The following SYCP2 variants were observed in gnomAD, a reference collection of about 807,000 sequenced individuals.
The protein encoded by SYCP2 is synaptonemal complex lateral element protein.
In SYCP2, 55 loss-of-function variants were observed where a neutral mutation model predicts 211.3. The ratio of observed to expected loss-of-function variants is 0.26; its 90% CI spans 0.21 to 0.33. SYCP2 has a LOEUF of 0.33. Among genes scored for constraint, SYCP2 ranks in the 10% least tolerant of loss-of-function variants. SYCP2 has a pLI of 1.00. For synonymous variants in SYCP2, 570 were observed against 555.2 expected, an observed-to-expected ratio of 1.03 and a Z score of -0.37; for missense variants, 1,731 against 1,752.0, an observed-to-expected ratio of 0.99 and a Z score of 0.21.
Position 59,881,500 on chromosome 20 carries a change from G to A in SYCP2, c.2659-8C>T. ...AGCTTGAAACTCTTGGATCTATATT[G>A]TAAATAAACAAAAAAAAAGAGGTGT... On this transcript the variant is annotated splice_polypyrimidine_tract_variant and splice_region_variant and intron_variant, in intron 28 of 44. Coordinates refer to ENST00000357552, the MANE Select transcript of SYCP2 (RefSeq NM_014258.4). 1 of 1,419,832 alleles carries A rather than the reference G, an allele frequency of 7.0e-7. No homozygotes were observed. The highest frequency in any genetic ancestry group is 9.4e-7 in the Non-Finnish European group (1 of 1,058,522). 88.0% of individuals were successfully genotyped at this position (1,419,832 alleles called of 1,614,324 possible). A position where few individuals can be genotyped will look rare whatever the true frequency, so the allele number is the denominator to read the frequency against.
At chr20:59,865,292 A>G in intron 44 of SYCP2, 96 bp downstream of exon 44, 2 of 976,824 alleles carry the variant, frequency 2.0e-6, no homozygotes, top group South Asian at 1.5e-5. Context: ...TCTCAACCCA[A>G]AAGAAAAAGA....
intron 41 of SYCP2, among the ~76,000 whole-genome samples, 154 bp from the exon 42 acceptor site, chr20:59,866,019 T>TA (rs1384635375): frequency 6.6e-6 from 1 of 151,678 alleles, no homozygotes; most frequent in African/African-American, 2.4e-5. Context: ...GGCTATATGT[T>TA]AAAAATATTC....
chr20:59,916,537 G>T lies in SYCP2; in HGVS notation c.462C>A (p.Arg154=). 1 of 1,610,694 alleles carries T rather than the reference G, an allele frequency of 6.2e-7. No homozygotes were observed. The highest frequency in any genetic ancestry group is 8.5e-7 in the Non-Finnish European group (1 of 1,177,066). The change falls in exon 8 of 45, where the codon CGC becomes CGA. Residue 154 remains arginine (R), a synonymous_variant. Coordinates refer to ENST00000357552, the MANE Select transcript of SYCP2 (RefSeq NM_014258.4). The part of the protein sequence containing the change: ...KKQVVESFVP[R]ICSLVIDSRV... The stretch of plus-strand genomic sequence containing the variant: ...TTGAGTCAATAACCAGGGAACAAAT[G>T]CGAGGTACGAAACTTTCCACTACTT...
Position 59,877,558 on chromosome 20 carries a change from T to G in SYCP2, c.2980-3A>C, listed in dbSNP as rs375221955. The G allele has an allele frequency of 6.3e-7, 1 of 1,580,998 alleles. No individual in the cohort carries two copies. Among genetic ancestry groups the G allele is most frequent in the Non-Finnish European group, 8.5e-7 (1 of 1,172,012 alleles). On this transcript the variant is annotated splice_region_variant and splice_polypyrimidine_tract_variant and intron_variant, in intron 32 of 44. Transcript: ENST00000357552. ...TTTGTGATATTTTTACTGGGTGTCT[T>G]TAGGAGAAAAATTCCTGAATATTAG...
At chr20:59,925,329 C>T (rs1169756355) in intron 2 of SYCP2, among the ~76,000 whole-genome samples, 1 of 151,996 alleles carries the variant, frequency 6.6e-6, no homozygotes, top group Non-Finnish European at 1.5e-5. Context: ...ATGCAACAAA[C>T]CTGCACATCT....
At chr20:59,895,684 C>G in intron 19 of SYCP2, 87 bp from the exon 20 acceptor site, 1 of 1,452,986 alleles carries the variant, frequency 6.9e-7, no homozygotes, top group Non-Finnish European at 9.5e-7. Flanking sequence ...AGGTAAGAAA[C>G]GAACATTCTT....
rs114629650 is a variant in SYCP2 at position 59,923,543 on chromosome 20, T to A, written c.-46-1084A>T. ...ACAAAACTCCATGTCTACAAAAAAATTTTTTTTTAATTAGCTGGGTATAGT... is the reference window on the plus strand; with the variant it reads ...ACAAAACTCCATGTCTACAAAAAAAATTTTTTTTAATTAGCTGGGTATAGT... On this transcript the variant is annotated intron_variant, in intron 2 of 44. Transcript: ENST00000357552. Among the ~76,000 whole-genome samples, 192 of 150,530 alleles carry A rather than the reference T, an allele frequency of 1.3e-3. 1 individual carries two copies. The highest frequency in any genetic ancestry group is 3.4e-3 in the African/African-American group (142 of 41,244).
chr20:59,901,790 G>A lies in SYCP2; in HGVS notation c.1054C>T (p.Leu352=). Residue 352 remains leucine, a synonymous_variant, in exon 16 of 45, where the codon CTG becomes TTG. Coordinates refer to ENST00000357552, the MANE Select transcript of SYCP2 (RefSeq NM_014258.4). ...ACTGTATTTTTCAGAATTATTGTCA[G>A]TAGCTTCTTTGATTCTCTCACTGTA... The part of the protein sequence containing the change: ...SIEVRESKKL[L]TIILKNTVKI... The A allele has an allele frequency of 6.3e-7, 1 of 1,596,380 alleles. No homozygotes were observed. The highest frequency in any genetic ancestry group is 8.5e-7 in the Non-Finnish European group (1 of 1,172,522).
intron 5 of SYCP2, among the ~76,000 whole-genome samples, 159 bp from the exon 6 acceptor site, chr20:59,919,756 GTTTTTT>G (rs573768688): frequency 6.7e-6 from 1 of 150,128 alleles, no homozygotes; most frequent in Non-Finnish European, 1.5e-5. Flanking sequence ...GATCTTCCTT[GTTTTTT>G]TTTAACTATC....
intron 2 of SYCP2, among the ~76,000 whole-genome samples, chr20:59,930,325 T>C (rs535169502): frequency 8.5e-5 from 13 of 152,110 alleles, no homozygotes; most frequent in African/African-American, 3.1e-4. Context: ...ACAGAGAAGG[T>C]TTCAGATTGT....
Position 59,912,401 on chromosome 20 carries a change from C to A in SYCP2, c.848G>T (p.Cys283Phe). The change falls in exon 13 of 45, where the codon TGT (cysteine) becomes TTT (phenylalanine). Residue 283 changes from cysteine to phenylalanine, a missense_variant. By Grantham distance (205) the Cys-to-Phe change is radical (BLOSUM62 -2). Transcript: ENST00000357552. ...GDKRRVFTFP[C>F]LSAFLDKYEL... ...ATATTTATCAAGAAATGCTGATAAA[C>A]AAGGAAATGTAAAGACCCTGAAATA... 9.3e-7 allele frequency: 1 copy of A among 1,079,500 alleles called. No homozygotes were observed. The highest frequency in any genetic ancestry group is 1.3e-6 in the Non-Finnish European group (1 of 750,020). 66.9% of individuals were successfully genotyped at this position (1,079,500 alleles called of 1,614,324 possible).
In SYCP2 at chr20:59,920,385, T is replaced by C; in HGVS notation, c.271A>G (p.Met91Val). The change falls in exon 5 of 45, where the codon ATG becomes GTG. Residue 91 changes from methionine (M) to valine (V), a missense_variant. Met to Val is a conservative substitution (Grantham distance 21). Transcript: ENST00000357552. ...TTTTGTATTAGTCCTTGTTTTATCA[T>C]CGTTAGAAGTCCAGCTTGCCCCAAT... is the stretch of plus-strand genomic sequence containing the variant. ...SVLGQAGLLT[M>V]IKQGLIQKMV... 1.9e-6 allele frequency: 3 copies of C among 1,609,044 alleles called. No homozygotes were observed. Among genetic ancestry groups the C allele is most frequent in the Non-Finnish European group, 2.5e-6 (3 of 1,176,762 alleles).
At chr20:59,933,332 G>A (rs1488541288) in intron 1 of SYCP2, 1 of 151,800 alleles carries the variant, frequency 6.6e-6, no homozygotes, top group African/African-American at 2.4e-5. Flanking sequence ...CCTCGCGCCT[G>A]CGCGAGCCAC....
rs766408866 is a variant in SYCP2 at position 59,900,266 on chromosome 20, G to T, written c.1276C>A (p.Gln426Lys). The change falls in exon 18 of 45, where the codon CAA (glutamine) becomes AAA (lysine). Residue 426 changes from glutamine to lysine, a missense_variant. Physicochemically the swap from Gln to Lys is moderately conservative, Grantham distance 53 (BLOSUM62 1). Transcript: ENST00000357552. ...SGSQILVPES[Q>K]ISPVGEELVS... ...AGCTCTTCTCCGACTGGTGAGATTT[G>T]ACTTTCTGGCACTAGAATCTGTTGG... 1 of 1,603,948 alleles carries T rather than the reference G, an allele frequency of 6.2e-7. No homozygotes were observed. The highest frequency in any genetic ancestry group is 1.1e-5 in the South Asian group (1 of 88,868).
At chr20:59,926,518 T>C (rs533540222) in intron 2 of SYCP2, among the ~76,000 whole-genome samples, 1 of 152,090 alleles carries the variant, frequency 6.6e-6, no homozygotes. Flanking sequence ...TTTTTATAAA[T>C]ATATATTGGG....
In SYCP2 at chr20:59,899,387, A is replaced by C. The variant is rs143167572; in HGVS notation, c.1404+751T>G. ...AGGTCTTGGAGAGACATACAAATGG[A>C]AATACAGAAAAACAAGTAGAGATGC... is the stretch of plus-strand genomic sequence containing the variant. On this transcript the variant is annotated intron_variant, in intron 18 of 44. Coordinates refer to ENST00000357552, the MANE Select transcript of SYCP2 (RefSeq NM_014258.4). 3.0e-3 allele frequency among the ~76,000 whole-genome samples: 463 copies of C among 152,332 alleles called. 2 individuals are homozygous for C. The highest frequency in any genetic ancestry group is 3.9e-3 in the Non-Finnish European group (268 of 68,028).
rs781376887 is a variant in SYCP2, at chr20:59,873,936, T to C, written c.3475A>G (p.Ile1159Val). Residue 1159 changes from isoleucine (I) to valine (V), a missense_variant, in exon 35 of 45, where the codon ATA (isoleucine) becomes GTA (valine). By Grantham distance (29) the Ile-to-Val change is conservative. Coordinates refer to ENST00000357552, the MANE Select transcript of SYCP2 (RefSeq NM_014258.4). Reference sequence around the variant, plus strand: ...TTCTCATTGTTTTTGGGTGACTTTATTGTACCTCCAACTCCACTGTTACTA... The same window carrying C: ...TTCTCATTGTTTTTGGGTGACTTTACTGTACCTCCAACTCCACTGTTACTA... Reference protein sequence around the residue: ...LNSNSGVGGTIKSPKNNEKNF... With the variant: ...LNSNSGVGGTVKSPKNNEKNF... The C allele has an allele frequency of 2.5e-5, 40 of 1,613,278 alleles. No individual in the cohort carries two copies. The highest frequency in any genetic ancestry group is 3.4e-5 in the Non-Finnish European group (40 of 1,179,638).
At chr20:59,866,651 C>T in intron 39 of SYCP2, 62 bp from the exon 40 acceptor site, 1 of 1,051,344 alleles carries the variant, frequency 9.5e-7, no homozygotes. Flanking sequence ...ACCAAGACTA[C>T]AGTAACAGCA....
intron 11 of SYCP2, 29 bp downstream of exon 11, chr20:59,914,080 C>G (rs747474510): frequency 2.5e-6 from 4 of 1,574,830 alleles, no homozygotes; most frequent in Non-Finnish European, 2.6e-6. Flanking sequence ...TAAAAATTCA[C>G]GAATTTCTGT....
Sources: gnomAD v4.1 joint callset for allele counts (sites outside exome capture counted in the v4.1 genomes callset) on GRCh38, gnomAD v4.1.1 for gene constraint, MANE v1.5 for transcripts, NCBI Gene and HGNC (gene_info 2026-07-23, HGNC 2026-07-21) for gene names.